The following TYR variants were observed in gnomAD, a reference collection of about 807,000 sequenced individuals.
TYR encodes the protein LB24-AB.
TYR carries 58 observed loss-of-function variants against 51.5 expected under a neutral mutation model. The observed-to-expected ratio is 1.13, with a 90% confidence interval of 0.91 to 1.40. The LOEUF (loss-of-function observed/expected upper bound fraction) is 1.40, where lower values mean the gene tolerates loss of function less well. Ranked by LOEUF, TYR falls within the 40% of genes most tolerant of loss-of-function variation. TYR has a pLI of 0.00. For missense variants in TYR, 732 were observed against 647.4 expected (o/e 1.13, Z -1.42); for synonymous variants, 263 against 235.2 (o/e 1.12, Z -1.08).
chr11:89,230,651 C>T (rs2135283950), intron 3 of TYR, among the ~76,000 whole-genome samples: 1 of 151,928 alleles, frequency 6.6e-6, no homozygotes, highest in South Asian at 2.1e-4. Flanking sequence ...GGTTAATATT[C>T]AAACTATATT....
intron 3 of TYR, chr11:89,283,800 T>A (rs1384144572): frequency 6.6e-6 from 1 of 151,906 alleles, no homozygotes; most frequent in Non-Finnish European, 1.5e-5. Flanking sequence ...TGGACTTTTT[T>A]CAATCCTTTA....
intron 2 of TYR, among the ~76,000 whole-genome samples, chr11:89,205,657 G>A (rs952873217): frequency 6.6e-6 from 1 of 151,890 alleles, no homozygotes; most frequent in African/African-American, 2.4e-5. Context: ...CAGGAATGAA[G>A]GAGAACTCAA....
At chr11:89,185,494 T>G (rs967707869) in intron 1 of TYR, among the ~76,000 whole-genome samples, 11 of 152,132 alleles carry the variant, frequency 7.2e-5, no homozygotes, top group African/African-American at 2.7e-4. Context: ...TACTAGATTC[T>G]GAGAGAAAAG....
chr11:89,188,728 G>C (rs59533128), intron 1 of TYR, among the ~76,000 whole-genome samples: 1 of 150,664 alleles, frequency 6.6e-6, no homozygotes, highest in Non-Finnish European at 1.5e-5. Flanking sequence ...ATTTCATTAA[G>C]ATAATGAAGA....
chr11:89,202,416 A>C (rs1943608522), intron 2 of TYR, among the ~76,000 whole-genome samples: 3 of 150,640 alleles, frequency 2.0e-5, no homozygotes, highest in East Asian at 3.9e-4. Context: ...AAAATGAAGC[A>C]GTTTTTTTTT....
At chr11:89,251,711 T>G (rs1313985962) in intron 3 of TYR, among the ~76,000 whole-genome samples, 4 of 151,782 alleles carry the variant, frequency 2.6e-5, no homozygotes, top group African/African-American at 4.8e-5. Flanking sequence ...GTAAAAAAAG[T>G]CAGGAGAAAA....
intron 2 of TYR, among the ~76,000 whole-genome samples, chr11:89,197,459 T>C (rs1367140056): frequency 2.0e-5 from 3 of 152,192 alleles, no homozygotes; most frequent in Admixed American, 2.0e-4. Flanking sequence ...AAAAACCCAA[T>C]GTTTAAAAAC....
chr11:89,214,604 A>G (rs966774591), intron 2 of TYR, among the ~76,000 whole-genome samples: 5 of 152,218 alleles, frequency 3.3e-5, no homozygotes, highest in Admixed American at 2.0e-4. Context: ...GGAACTATTT[A>G]CAATAGCAAA....
At chr11:89,192,589 T>C (rs1943460285) in intron 2 of TYR, among the ~76,000 whole-genome samples, 2 of 152,176 alleles carry the variant, frequency 1.3e-5, no homozygotes, top group South Asian at 4.1e-4. Context: ...ATTTCCCTGT[T>C]TTATTCAAAA....
intron 2 of TYR, 51 bp downstream of exon 2, chr11:89,191,469 G>A: frequency 6.4e-7 from 1 of 1,551,318 alleles, no homozygotes; most frequent in Middle Eastern, 1.7e-4. Context: ...CATATTTACA[G>A]TCTCTTATCC....
At chr11:89,225,187 A>G (rs1943961804) in intron 2 of TYR, among the ~76,000 whole-genome samples, 1 of 151,942 alleles carries the variant, frequency 6.6e-6, no homozygotes, top group Admixed American at 6.6e-5. Flanking sequence ...TTTATGGTGC[A>G]TCACATGATG....
intron 1 of TYR, among the ~76,000 whole-genome samples, chr11:89,188,863 A>G (rs1253263538): frequency 1.3e-5 from 2 of 152,022 alleles, no homozygotes; most frequent in East Asian, 3.9e-4. Context: ...GTGAAGTTAT[A>G]GAAGAGAGGG....
chr11:89,237,985 A>C (rs1343769000), intron 3 of TYR, among the ~76,000 whole-genome samples: 1 of 151,884 alleles, frequency 6.6e-6, no homozygotes, highest in East Asian at 1.9e-4. Context: ...ACAGGCACAC[A>C]CCACCATATC....
chr11:89,291,549 T>A (rs1362665684), intron 4 of TYR, among the ~76,000 whole-genome samples: 1 of 151,972 alleles, frequency 6.6e-6, no homozygotes, highest in Non-Finnish European at 1.5e-5. Context: ...ATTGTTAGAT[T>A]GATCACTTGT....
intron 1 of TYR, among the ~76,000 whole-genome samples, chr11:89,190,413 A>G (rs1943427594): frequency 6.6e-6 from 1 of 152,168 alleles, no homozygotes; most frequent in African/African-American, 2.4e-5. Flanking sequence ...CTCAGTTTTT[A>G]ACGAAATTTC....
intron 2 of TYR, among the ~76,000 whole-genome samples, chr11:89,219,239 T>C (rs891090725): frequency 1.3e-5 from 2 of 151,720 alleles, no homozygotes; most frequent in South Asian, 4.2e-4. Context: ...CAGGAAAATA[T>C]TAGTCCTAAA....
At chr11:89,261,864 A>G (rs551840196) in intron 3 of TYR, among the ~76,000 whole-genome samples, 60 of 152,214 alleles carry the variant, frequency 3.9e-4, no homozygotes, top group African/African-American at 1.4e-3. Context: ...TCCAACCACA[A>G]TGGAAAAAAA....
chr11:89,285,231 C>T (rs1201702268), intron 4 of TYR, among the ~76,000 whole-genome samples: 1 of 151,716 alleles, frequency 6.6e-6, no homozygotes, highest in African/African-American at 2.4e-5. Context: ...GGTTTTGAGA[C>T]ATGACTCTAT....
intron 4 of TYR, among the ~76,000 whole-genome samples, chr11:89,289,683 A>T (rs1944834637): frequency 6.6e-6 from 1 of 152,044 alleles, no homozygotes; most frequent in Admixed American, 6.6e-5. Flanking sequence ...AACAAGTAAG[A>T]CATAATACTT....
Sources: allele counts gnomAD v4.1 joint callset (sites outside exome capture counted in the v4.1 genomes callset), GRCh38; gene constraint gnomAD v4.1.1; transcripts MANE v1.5; gene names NCBI Gene and HGNC (gene_info 2026-07-23, HGNC 2026-07-21).